RIF1: variants seen among roughly 807,000 people sequenced by gnomAD.
The protein encoded by RIF1 is telomere-associated protein RIF1.
A neutral mutation model predicts 247.1 loss-of-function variants in RIF1; 45 were observed. The ratio of observed to expected loss-of-function variants is 0.18; its 90% CI spans 0.14 to 0.23. RIF1 has a LOEUF of 0.23. Ranked by LOEUF, RIF1 falls within the 10% of genes least tolerant of loss-of-function variation. The probability of loss-of-function intolerance (pLI) is 1.00; values close to 1 mark genes in which losing one functional copy is unlikely to be tolerated. For synonymous variants in RIF1, 1,087 were observed against 978.8 expected (o/e 1.11, Z -2.06); for missense variants, 2,967 against 2,862.5 (o/e 1.04, Z -0.83).
rs981555350 is a variant in RIF1 at position 151,465,737 on chromosome 2, A to G, written c.6217A>G (p.Met2073Val). The G allele has an allele frequency of 1.9e-5, 31 of 1,614,184 alleles. No individual in the cohort carries two copies. Among genetic ancestry groups the G allele is most frequent in the Non-Finnish European group, 2.4e-5 (28 of 1,180,004 alleles). ...CAACTTTGTTTGTGACACAGTTGAA[A>G]TGAGCACTGAAGAAGGAATCATTGA... is the stretch of plus-strand genomic sequence containing the variant. Reference protein sequence around the residue: ...MDNFVCDTVEMSTEEGIIDAN... With the variant: ...MDNFVCDTVEVSTEEGIIDAN... Residue 2073 changes from methionine to valine, a missense_variant, in exon 30 of 36, where the codon ATG becomes GTG. Met to Val is a conservative substitution (Grantham distance 21, BLOSUM62 1). Around this residue, in one of 7 missense-constraint regions of RIF1, gnomAD observed 2,028 missense variants for 1,825.6 expected, o/e 1.11. Coordinates refer to ENST00000444746, the MANE Select transcript of RIF1 (RefSeq NM_018151.5).
In RIF1 at chr2:151,481,632, T is replaced by A. The variant is rs1329265527; in HGVS notation, c.*6561T>A. ...GTATTTGATAAGTCTTAAAAATGAT[T>A]TAAGTTGAAGCCTAACAGAAGTACT... On this transcript the variant is annotated 3_prime_UTR_variant, in exon 36 of 36. Transcript: ENST00000444746. 6.6e-6 allele frequency: 1 copy of A among 152,248 alleles called. No individual in the cohort carries two copies. The highest frequency in any genetic ancestry group is 1.5e-5 in the Non-Finnish European group (1 of 68,040). The allele number at this position is 152,248 out of a possible 1,614,324, so 9.4% of individuals were successfully genotyped here.
chr2:151,453,573 C>G (rs1483113841), intron 21 of RIF1, among the ~76,000 whole-genome samples: 1 of 113,622 alleles, frequency 8.8e-6, no homozygotes, highest in Non-Finnish European at 1.7e-5. Flanking sequence ...GAGCTAGACT[C>G]TGTCTCAAAA....
rs766651328 is a variant in RIF1 at position 151,416,863 on chromosome 2, T to C, written c.465T>C (p.Ser155=). 3.1e-6 allele frequency: 5 copies of C among 1,612,864 alleles called. No homozygotes were observed. The highest frequency in any genetic ancestry group is 4.2e-6 in the Non-Finnish European group (5 of 1,179,162). ...EILFNKGETH[S]AVVDFEALNV... ...TGTTTAACAAAGGAGAGACGCATTCTGCTGTTGTTGATTTTGAAGCATTAA... is the reference window on the plus strand; with the variant it reads ...TGTTTAACAAAGGAGAGACGCATTCCGCTGTTGTTGATTTTGAAGCATTAA... The change falls in exon 6 of 36, where the codon TCT becomes TCC. Residue 155 remains serine (S), a synonymous_variant. Coordinates refer to ENST00000444746, the MANE Select transcript of RIF1 (RefSeq NM_018151.5).
At chr2:151,457,383 A>G (rs958299383) in intron 23 of RIF1, among the ~76,000 whole-genome samples, 1 of 152,172 alleles carries the variant, frequency 6.6e-6, no homozygotes. Context: ...TTGGCTTCCC[A>G]AAGTGCTGGG....
rs1487495164 is a variant in RIF1, at chr2:151,494,174, T to C, written c.*416-1055T>C. On this transcript the variant is annotated intron_variant and NMD_transcript_variant, in intron 9 of 13. Coordinates refer to the RIF1 transcript ENST00000454583. ...TCAAGACAATACCGAGCTAATGTTT[T>C]CTTGATTGCGTTTGACTCTCTGCAT... is the stretch of plus-strand genomic sequence containing the variant. 1.9e-6 allele frequency: 3 copies of C among 1,606,754 alleles called. No individual in the cohort carries two copies. The highest frequency in any genetic ancestry group is 2.2e-5 in the South Asian group (2 of 89,502).
chr2:151,410,224 A>G (rs1013966233), intron 1 of RIF1, 190 bp from the exon 2 acceptor site: 4 of 632,294 alleles, frequency 6.3e-6, no homozygotes, highest in East Asian at 2.7e-5. Context: ...GCGTGGGCTC[A>G]GGTGTCTGGT....
the RIF1 span, among the ~76,000 whole-genome samples, chr2:151,520,466 C>T: frequency 2.6e-5 from 4 of 152,034 alleles, no homozygotes; most frequent in Non-Finnish European, 2.9e-5. Context: ...CTAAATAACT[C>T]CAATTTAAAA....
chr2:151,414,899 A>G lies in RIF1; in HGVS notation c.260A>G (p.Lys87Arg). The G allele has an allele frequency of 6.2e-7, 1 of 1,608,584 alleles. No individual in the cohort carries two copies. Among genetic ancestry groups the G allele is most frequent in the Non-Finnish European group, 8.5e-7 (1 of 1,175,434 alleles). The change falls in exon 4 of 36, where the codon AAA (lysine) becomes AGA (arginine). Residue 87 changes from lysine (K) to arginine (R), a missense_variant. Lys to Arg is a conservative substitution (Grantham distance 26, BLOSUM62 2). Around this residue, in one of 7 missense-constraint regions of RIF1, gnomAD observed 269 missense variants for 288.6 expected, o/e 0.93. Transcript: ENST00000444746. ...CTGGGGTTTTGCTTATATAATCCCA[A>G]AATTACCTCAGAATTATCAGGTAGA... ...QALGFCLYNP[K>R]ITSELSEANA...
chr2:151,525,190 A>G, the RIF1 span: 1 of 1,613,902 alleles, frequency 6.2e-7, no homozygotes, highest in Non-Finnish European at 8.5e-7. Flanking sequence ...CCACTTCCAT[A>G]GCATGTTTCA....
intron 9 of RIF1, chr2:151,493,934 G>A: frequency 8.6e-7 from 1 of 1,160,830 alleles, no homozygotes; most frequent in Non-Finnish European, 1.2e-6. Context: ...TATATTGCAA[G>A]TTGGGGGGAA....
the RIF1 span, chr2:151,524,654 C>CTTTTTTTTTTT: frequency 5.1e-5 from 13 of 257,382 alleles, 3 homozygotes; most frequent in African/African-American, 4.6e-4. Flanking sequence ...AAGAGAGAGG[C>CTTTTTTTTTTT]TTTTTTTTTT....
chr2:151,417,821 C>T (rs868483650), intron 6 of RIF1, among the ~76,000 whole-genome samples: 7 of 152,128 alleles, frequency 4.6e-5, no homozygotes, highest in Admixed American at 6.6e-5. Context: ...ATTAAGAGGA[C>T]TTACACAAAC....
chr2:151,415,627 A>C (rs1201878993), intron 4 of RIF1, among the ~76,000 whole-genome samples: 2 of 149,738 alleles, frequency 1.3e-5, no homozygotes, highest in Non-Finnish European at 3.0e-5. Flanking sequence ...TAATCCCAGC[A>C]CTTTGGGAGG....
chr2:151,436,248 AAC>A (rs1299917679), intron 11 of RIF1, among the ~76,000 whole-genome samples: 2 of 151,758 alleles, frequency 1.3e-5, no homozygotes, highest in Admixed American at 6.6e-5. Flanking sequence ...ATAAAACAAA[AAC>A]AACACTTCAG....
At chr2:151,468,177 T>G in intron 31 of RIF1, 31 bp downstream of exon 31, 1 of 1,552,658 alleles carries the variant, frequency 6.4e-7, no homozygotes, top group Non-Finnish European at 8.8e-7. Context: ...TATACATATA[T>G]GTATACCGAC....
chr2:151,487,737 T>TA (rs913106310), intron 9 of RIF1, among the ~76,000 whole-genome samples: 1 of 152,106 alleles, frequency 6.6e-6, no homozygotes, highest in African/African-American at 2.4e-5. Flanking sequence ...AAATGGCATG[T>TA]GTGTTTAAAC....
intron 10 of RIF1, chr2:151,497,578 T>A: frequency 1.3e-6 from 2 of 1,538,272 alleles, no homozygotes; most frequent in Non-Finnish European, 1.8e-6. Context: ...TCATGAAAGT[T>A]TTCAAAATCA....
chr2:151,455,387 T>G (rs1695017293), intron 22 of RIF1, among the ~76,000 whole-genome samples: 1 of 152,220 alleles, frequency 6.6e-6, no homozygotes. Flanking sequence ...TGCTTTTCAA[T>G]GCTTACCTTT....
At chr2:151,437,180 T>C in intron 12 of RIF1, 61 bp from the exon 13 acceptor site, 1 of 1,380,142 alleles carries the variant, frequency 7.2e-7, no homozygotes, top group Non-Finnish European at 1.0e-6. Context: ...AGTTTTATAG[T>C]GAGAAATGTA....
Sources: gnomAD v4.1 joint callset for allele counts (sites outside exome capture counted in the v4.1 genomes callset) on GRCh38, gnomAD v4.1.1 for gene constraint, gnomAD v4.1.1 regional missense constraint, MANE v1.5 for transcripts, NCBI Gene and HGNC (gene_info 2026-07-23, HGNC 2026-07-21) for gene names.